Variants in YPEL2 observed in about 807,000 individuals in gnomAD.
The protein encoded by YPEL2 is protein yippee-like 2.
Under a neutral mutation model 19.1 loss-of-function variants are expected in YPEL2, and 2 were observed. The observed-to-expected ratio is 0.10, with a 90% CI of 0.04 to 0.33. YPEL2 has a LOEUF of 0.33. Among genes scored for constraint, YPEL2 ranks in the 10% least tolerant of loss-of-function variants. YPEL2 has a pLI of 1.00. For missense variants in YPEL2, 66 were observed against 140.7 expected (o/e 0.47, Z 2.68); for synonymous variants, 52 against 50.0 (o/e 1.04, Z -0.17).
intron 2 of YPEL2, among the ~76,000 whole-genome samples, chr17:59,381,727 G>A (rs957365553): frequency 6.6e-6 from 1 of 152,092 alleles, no homozygotes; most frequent in African/African-American, 2.4e-5. Context: ...GAAAAGTTTT[G>A]TGTGGCTTAA....
At chr17:59,337,873 A>G (rs946929195) in intron 1 of YPEL2, among the ~76,000 whole-genome samples, 9 of 152,242 alleles carry the variant, frequency 5.9e-5, no homozygotes, top group African/African-American at 1.9e-4. Flanking sequence ...AGCGGAAGCT[A>G]TAAACCATAC....
At chr17:59,384,638 T>C (rs1183389897) in intron 2 of YPEL2, among the ~76,000 whole-genome samples, 2 of 152,192 alleles carry the variant, frequency 1.3e-5, no homozygotes, top group Non-Finnish European at 2.9e-5. Flanking sequence ...TGTAACTGTT[T>C]AGCAAAACTT....
At chr17:59,343,635 C>G (rs1463779944) in intron 1 of YPEL2, among the ~76,000 whole-genome samples, 1 of 151,930 alleles carries the variant, frequency 6.6e-6, no homozygotes, top group Non-Finnish European at 1.5e-5. Context: ...GTAAGGAGCA[C>G]AGGATAATGA....
intron 2 of YPEL2, among the ~76,000 whole-genome samples, chr17:59,387,642 C>T (rs934656820): frequency 4.6e-5 from 7 of 152,072 alleles, no homozygotes; most frequent in East Asian, 3.9e-4. Flanking sequence ...TGTTCCCTGC[C>T]GCCCTCCAGC....
rs115878524 is a variant in YPEL2 at position 59,372,377 on chromosome 17, G to A, written c.118-15950G>A. Among the ~76,000 whole-genome samples, 1,360 of 152,178 alleles carry A rather than the reference G, an allele frequency of 8.9e-3. 16 individuals are homozygous for A. Among genetic ancestry groups the A allele is most frequent in the African/African-American group, 0.03 (1,261 of 41,504 alleles). ...CCTCTGTTTCCATGATGCTAATTGA[G>A]TCCCTCTCTAGGCCCAATCAAAGAC... On this transcript the variant is annotated intron_variant, in intron 2 of 4. Coordinates refer to ENST00000312655, the MANE Select transcript of YPEL2 (RefSeq NM_001005404.4).
chr17:59,368,922 G>A (rs2147947379), intron 2 of YPEL2, among the ~76,000 whole-genome samples: 1 of 152,190 alleles, frequency 6.6e-6, no homozygotes, highest in East Asian at 1.9e-4. Context: ...TTGATAACAT[G>A]CCATAGCTGT....
chr17:59,366,560 C>G (rs1350557179), intron 2 of YPEL2, among the ~76,000 whole-genome samples: 1 of 152,216 alleles, frequency 6.6e-6, no homozygotes, highest in Non-Finnish European at 1.5e-5. Context: ...CGGGCAGCCC[C>G]TTGTTCTCTG....
intron 1 of YPEL2, among the ~76,000 whole-genome samples, chr17:59,340,502 G>A (rs1457612434): frequency 2.7e-5 from 4 of 148,786 alleles, no homozygotes; most frequent in African/African-American, 1.0e-4. Context: ...TGCAGGCTCC[G>A]CCCTCCAGGT....
chr17:59,367,273 A>G (rs900459182), intron 2 of YPEL2, among the ~76,000 whole-genome samples: 1 of 152,208 alleles, frequency 6.6e-6, no homozygotes, highest in Admixed American at 6.5e-5. Context: ...AGGGCTAAAA[A>G]AAGAAATGAC....
intron 2 of YPEL2, among the ~76,000 whole-genome samples, chr17:59,380,272 C>CTT (rs548409762): frequency 5.9e-4 from 63 of 106,390 alleles, no homozygotes; most frequent in Non-Finnish European, 8.5e-4. Context: ...TATCTAACTT[C>CTT]TTTTTTTTTT....
chr17:59,354,979 T>C (rs1242679026), intron 2 of YPEL2: 1 of 150,800 alleles, frequency 6.6e-6, no homozygotes, highest in African/African-American at 2.5e-5. Flanking sequence ...CTTTTTTTTT[T>C]TTCCCCCCCT....
rs989186782 is a variant in YPEL2 at position 59,382,794 on chromosome 17, G to GT, written c.118-5527dup. Among the ~76,000 whole-genome samples, 8 of 152,238 alleles carry GT rather than the reference G, an allele frequency of 5.3e-5. No individual in the cohort carries two copies. In the South Asian group the frequency reaches 6.2e-4, roughly 12 times the overall value. On this transcript the variant is annotated intron_variant, in intron 2 of 4. Coordinates refer to ENST00000312655, the MANE Select transcript of YPEL2 (RefSeq NM_001005404.4). ...TTCTTGAAAACTCTTAGGAAAAGTG[G>GT]TTTTTTGGTTTTGGTTTTGGGTTTT...
chr17:59,343,462 C>T (rs1325375634), intron 1 of YPEL2, among the ~76,000 whole-genome samples: 2 of 152,058 alleles, frequency 1.3e-5, no homozygotes, highest in Non-Finnish European at 2.9e-5. Context: ...AATGCCATTC[C>T]AGAGAAAAAT....
intron 2 of YPEL2, among the ~76,000 whole-genome samples, chr17:59,370,309 C>T (rs989635567): frequency 5.9e-5 from 9 of 152,260 alleles, no homozygotes; most frequent in African/African-American, 1.4e-4. Flanking sequence ...GTGATCCGCC[C>T]GCCTCGGCCT....
chr17:59,373,178 T>C (rs1011359724), intron 2 of YPEL2, among the ~76,000 whole-genome samples: 1 of 152,214 alleles, frequency 6.6e-6, no homozygotes, highest in Non-Finnish European at 1.5e-5. Context: ...ATTTTTATTA[T>C]TATATGTTGC....
At chr17:59,369,272 C>G (rs933645561) in intron 2 of YPEL2, among the ~76,000 whole-genome samples, 2 of 152,252 alleles carry the variant, frequency 1.3e-5, no homozygotes, top group Non-Finnish European at 2.9e-5. Context: ...TAAGTAGCTT[C>G]TGCAGTCTTT....
chr17:59,356,318 AAGTG>A (rs1170128514), intron 2 of YPEL2: 2 of 151,656 alleles, frequency 1.3e-5, no homozygotes, highest in South Asian at 4.2e-4. Flanking sequence ...AAAAAAAAAA[AAGTG>A]AGTGCTTTCA....
intron 1 of YPEL2, 148 bp downstream of exon 1, chr17:59,331,972 G>C (rs2047672084): frequency 6.6e-6 from 1 of 151,516 alleles, no homozygotes; most frequent in South Asian, 2.1e-4. Flanking sequence ...GGTTCCGCGT[G>C]GGGTCCCCGT....
chr17:59,362,753 C>T (rs139855895), intron 2 of YPEL2: 3 of 152,122 alleles, frequency 2.0e-5, no homozygotes, highest in African/African-American at 7.2e-5. Flanking sequence ...TCAGGGTGTT[C>T]AACCTGGGAA....
Sources: allele counts gnomAD v4.1 joint callset (sites outside exome capture counted in the v4.1 genomes callset), GRCh38; gene constraint gnomAD v4.1.1; transcripts MANE v1.5; gene names NCBI Gene and HGNC (gene_info 2026-07-23, HGNC 2026-07-21).